The following ELF4 variants were observed in gnomAD, a reference collection of about 807,000 sequenced individuals.
ELF4 encodes the protein ETS-related transcription factor Elf-4.
A neutral mutation model predicts 31.7 loss-of-function variants in ELF4; 10 were observed. The observed-to-expected ratio is 0.32, with a 90% CI of 0.19 to 0.54. The LOEUF (loss-of-function observed/expected upper bound fraction) is 0.54. Ranked by LOEUF, ELF4 falls within the 20% of genes least tolerant of loss-of-function variation. The probability of loss-of-function intolerance (pLI) is 0.95; values close to 1 mark genes in which losing one functional copy is unlikely to be tolerated. For synonymous variants in ELF4, 208 were observed against 226.7 expected, an observed-to-expected ratio of 0.92 and a Z score of 0.74; for missense variants, 418 against 522.0, an observed-to-expected ratio of 0.80 and a Z score of 1.94.
chrX:130,073,335 C>T lies in ELF4; in HGVS notation c.340+714G>A, dbSNP rs770682252. 4.5e-5 allele frequency among the ~76,000 whole-genome samples: 5 copies of T among 111,464 alleles called. No homozygotes were observed. In the East Asian group the frequency reaches 8.5e-4, roughly 19 times the overall value. On this transcript the variant is annotated intron_variant, in intron 4 of 8. Transcript: ENST00000308167. ...AACTCCTGACCTCGTATTCCACCCGCCTCAGCCTCCCAAAGTGCTGGGATT... is the reference window on the plus strand; with the variant it reads ...AACTCCTGACCTCGTATTCCACCCGTCTCAGCCTCCCAAAGTGCTGGGATT...
At chrX:130,068,057 C>T (rs1032889999) in intron 8 of ELF4, among the ~76,000 whole-genome samples, 1 of 111,936 alleles carries the variant, frequency 8.9e-6, no homozygotes, top group Non-Finnish European at 1.9e-5. Flanking sequence ...GGTGATCCAC[C>T]TGCCTCGGCC....
chrX:130,108,796 A>C (rs1381122436), intron 1 of ELF4, among the ~76,000 whole-genome samples: 1 of 109,930 alleles, frequency 9.1e-6, no homozygotes, highest in East Asian at 2.9e-4. Flanking sequence ...GGTAGCATGG[A>C]GCCTGCTTCA....
chrX:130,066,437 C>G lies in ELF4; in HGVS notation c.*284G>C. 1 of 368,537 alleles carries G rather than the reference C, an allele frequency of 2.7e-6. No homozygotes were observed. The highest frequency in any genetic ancestry group is 4.7e-6 in the Non-Finnish European group (1 of 212,514). The allele number at this position is 368,537 out of a possible 1,213,427, so 30.4% of individuals were successfully genotyped here. A position where few individuals can be genotyped will look rare whatever the true frequency, so the allele number is the denominator to read the frequency against. On this transcript the variant is annotated 3_prime_UTR_variant, in exon 9 of 9. Coordinates refer to ENST00000308167, the MANE Select transcript of ELF4 (RefSeq NM_001421.4). ...AAAGCTGCTGCACAAACCCTGGCCA[C>G]AAACTTCTGCCTGGCTCAAGGCTTT...
At chrX:130,078,762 T>TACACACACACACACACACAC (rs530565075) in intron 2 of ELF4, among the ~76,000 whole-genome samples, 2 of 84,886 alleles carry the variant, frequency 2.4e-5, no homozygotes. Flanking sequence ...TCTCTCTCTC[T>TACACACACACACACACACAC]ACACACACAC....
chrX:130,071,482 A>C, intron 5 of ELF4, 63 bp from the exon 6 acceptor site: 3 of 1,114,288 alleles, frequency 2.7e-6, no homozygotes, highest in Non-Finnish European at 3.7e-6. Context: ...GAGCTGGCCA[A>C]GTTGGCTGTG....
intron 1 of ELF4, among the ~76,000 whole-genome samples, chrX:130,105,012 A>C (rs1327532240): frequency 1.4e-5 from 1 of 72,404 alleles, no homozygotes; most frequent in Admixed American, 1.3e-4. Context: ...ATACAAAAAA[A>C]AAAGAAAATT....
intron 1 of ELF4, among the ~76,000 whole-genome samples, chrX:130,109,035 T>C (rs951200043): frequency 8.9e-6 from 1 of 112,664 alleles, no homozygotes; most frequent in African/African-American, 3.2e-5. Flanking sequence ...GAAAACCCAG[T>C]GTAACTAACT....
At chrX:130,074,834 C>T in intron 2 of ELF4, 82 bp from the exon 3 acceptor site, 1 of 1,093,324 alleles carries the variant, frequency 9.1e-7, no homozygotes, top group South Asian at 1.9e-5. Flanking sequence ...GCCCTCTGTG[C>T]AAGTCCTTAT....
At position 130,065,270 on chromosome X, in the gene ELF4, T is replaced by C. The variant is rs1932637704; in HGVS notation, c.*1451A>G. The C allele has an allele frequency of 5.7e-6, 1 of 174,046 alleles. No individual in the cohort carries two copies. The highest frequency in any genetic ancestry group is 1.1e-5 in the Non-Finnish European group (1 of 91,262). 14.3% of individuals were successfully genotyped at this position (174,046 alleles called of 1,213,427 possible). A position where few individuals can be genotyped will look rare whatever the true frequency, so the allele number is the denominator to read the frequency against. On this transcript the variant is annotated 3_prime_UTR_variant, in exon 9 of 9. Coordinates refer to ENST00000308167, the MANE Select transcript of ELF4 (RefSeq NM_001421.4). ...TTGGCAGGAGGGAGGCAAGCTCGTT[T>C]AAAGAAGGGAGAGGGGAGGAGATCC... is the stretch of plus-strand genomic sequence containing the variant.
intron 1 of ELF4, among the ~76,000 whole-genome samples, chrX:130,101,702 G>A (rs1184286983): frequency 9.0e-6 from 1 of 110,757 alleles, no homozygotes; most frequent in African/African-American, 3.3e-5. Flanking sequence ...GGGAGGCTGA[G>A]GCAGGAGAAT....
chrX:130,066,560 C>T lies in ELF4; in HGVS notation c.*161G>A. The T allele has an allele frequency of 1.8e-6, 1 of 544,741 alleles. No homozygotes were observed. The highest frequency in any genetic ancestry group is 3.1e-6 in the Non-Finnish European group (1 of 320,535). The allele number at this position is 544,741 out of a possible 1,213,427, so 44.9% of individuals were successfully genotyped here. ...TGATGCCAGGGATGCTTAAGCTGGGCACTGTTTGGCCACAGTGACACCAGG... is the reference window on the plus strand; with the variant it reads ...TGATGCCAGGGATGCTTAAGCTGGGTACTGTTTGGCCACAGTGACACCAGG... On this transcript the variant is annotated 3_prime_UTR_variant, in exon 9 of 9. Coordinates refer to ENST00000308167, the MANE Select transcript of ELF4 (RefSeq NM_001421.4).
At chrX:130,070,912 G>A in intron 7 of ELF4, 128 bp downstream of exon 7, 2 of 977,673 alleles carry the variant, frequency 2.0e-6, no homozygotes, top group Non-Finnish European at 2.9e-6. Flanking sequence ...CAAGCTAAGA[G>A]GAAAGTTACG....
intron 1 of ELF4, among the ~76,000 whole-genome samples, chrX:130,094,131 AAGGTGGGCGGATCATGAGGTC>A (rs772917451): frequency 0.01 from 1,116 of 111,381 alleles, 14 homozygotes; most frequent in African/African-American, 0.034. Context: ...TTTGGAGGCC[AAGGTGGGCGGATCATGAGGTC>A]AGGTGGGCGG....
chrX:130,073,986 T>C, intron 4 of ELF4, 63 bp downstream of exon 4: 1 of 1,135,339 alleles, frequency 8.8e-7, no homozygotes, highest in Admixed American at 2.2e-5. Flanking sequence ...AATACATGGA[T>C]TTCATATTTT....
At chrX:130,086,583 T>A (rs1183779931) in intron 1 of ELF4, among the ~76,000 whole-genome samples, 1 of 112,067 alleles carries the variant, frequency 8.9e-6, no homozygotes, top group Non-Finnish European at 1.9e-5. Flanking sequence ...CCTAGCAAGA[T>A]GTGTGACCAT....
At chrX:130,068,507 C>T (rs1185275745) in intron 8 of ELF4, among the ~76,000 whole-genome samples, 1 of 111,656 alleles carries the variant, frequency 9.0e-6, no homozygotes, top group African/African-American at 3.3e-5. Flanking sequence ...TGTCTCACTG[C>T]GCCAGCGTAG....
chrX:130,083,325 C>T (rs1169868245), intron 1 of ELF4, among the ~76,000 whole-genome samples: 1 of 101,906 alleles, frequency 9.8e-6, no homozygotes, highest in Non-Finnish European at 2.0e-5. Flanking sequence ...TGTGAAGCCT[C>T]CCAAGGCCAT....
At position 130,100,411 on chromosome X, in the gene ELF4, C is replaced by A. The variant is rs755363436; in HGVS notation, c.-210+9914G>T. On this transcript the variant is annotated intron_variant, in intron 1 of 8. Coordinates refer to ENST00000308167, the MANE Select transcript of ELF4 (RefSeq NM_001421.4). Reference sequence around the variant, plus strand: ...TTCCAAAGGTCCTTCACAGTCTGACCCCACCCTACCTACTCCGGCTTGTTT... The same window carrying A: ...TTCCAAAGGTCCTTCACAGTCTGACACCACCCTACCTACTCCGGCTTGTTT... 5.4e-4 allele frequency among the ~76,000 whole-genome samples: 60 copies of A among 111,448 alleles called. 1 individual carries two copies. Among genetic ancestry groups the A allele is most frequent in the Non-Finnish European group, 1.0e-3 (55 of 53,079 alleles).
intron 1 of ELF4, among the ~76,000 whole-genome samples, chrX:130,096,830 CA>C (rs1933157228): frequency 9.0e-6 from 1 of 110,876 alleles, no homozygotes; most frequent in Admixed American, 9.6e-5. Context: ...TTGGGGTAAG[CA>C]GTGGAAAACA....
Sources: gnomAD v4.1 joint callset for allele counts (sites outside exome capture counted in the v4.1 genomes callset) on GRCh38, gnomAD v4.1.1 for gene constraint, MANE v1.5 for transcripts, NCBI Gene and HGNC (gene_info 2026-07-23, HGNC 2026-07-21) for gene names.